ACMSD: variants seen among roughly 807,000 people sequenced by gnomAD.
ACMSD encodes the protein aminocarboxymuconate semialdehyde decarboxylase.
A neutral mutation model predicts 45.9 loss-of-function variants in ACMSD; 37 were observed. The observed-to-expected ratio is 0.81, with a 90% CI of 0.62 to 1.06. The LOEUF is 1.06. ACMSD is among the 50% of genes least tolerant of loss of function. The pLI is 0.00. For missense variants in ACMSD, 434 were observed against 420.9 expected (o/e 1.03, Z -0.27); for synonymous variants, 138 against 148.8 (o/e 0.93, Z 0.53).
chr2:134,873,868 A>G (rs1252103140), intron 8 of ACMSD, among the ~76,000 whole-genome samples: 1 of 152,128 alleles, frequency 6.6e-6, no homozygotes, highest in Non-Finnish European at 1.5e-5. Flanking sequence ...AAACTGAAAG[A>G]GACTTTGTGG....
At chr2:134,900,830 T>C (rs191482561) in intron 9 of ACMSD, among the ~76,000 whole-genome samples, 32 of 152,330 alleles carry the variant, frequency 2.1e-4, no homozygotes, top group African/African-American at 7.7e-4. Context: ...TGGTGGGTTA[T>C]AGTGTATGGA....
intron 8 of ACMSD, among the ~76,000 whole-genome samples, chr2:134,888,835 T>C (rs1689611346): frequency 6.6e-6 from 1 of 151,900 alleles, no homozygotes; most frequent in Non-Finnish European, 1.5e-5. Context: ...TTACCTTTAG[T>C]GGGAGAACTG....
chr2:134,888,391 A>G (rs1689579905), intron 8 of ACMSD, among the ~76,000 whole-genome samples: 1 of 152,212 alleles, frequency 6.6e-6, no homozygotes, highest in African/African-American at 2.4e-5. Flanking sequence ...CAAGGATGTA[A>G]AACAACCAGA....
intron 8 of ACMSD, among the ~76,000 whole-genome samples, chr2:134,896,068 A>G (rs1690130972): frequency 6.6e-6 from 1 of 152,260 alleles, no homozygotes; most frequent in Non-Finnish European, 1.5e-5. Context: ...TCTTTTCAAC[A>G]TATGATAGTG....
At chr2:134,878,611 G>A (rs1445146064) in intron 8 of ACMSD, among the ~76,000 whole-genome samples, 1 of 152,210 alleles carries the variant, frequency 6.6e-6, no homozygotes, top group Non-Finnish European at 1.5e-5. Flanking sequence ...ACAGGTGTGA[G>A]CCACTGTGCC....
In ACMSD at chr2:134,885,318, TA is replaced by T. The variant is rs1312818797; in HGVS notation, c.849+12680del. On this transcript the variant is annotated intron_variant, in intron 8 of 9. Transcript: ENST00000356140. ...ATATATATATTTAAATATATATATA[TA>T]AATATATATGTAAATATATATTTAT... 6.7e-3 allele frequency among the ~76,000 whole-genome samples: 659 copies of T among 98,968 alleles called. 9 individuals carry two copies. The highest frequency in any genetic ancestry group is 0.018 in the African/African-American group (411 of 22,288). 64.9% of individuals were successfully genotyped at this position (98,968 alleles called of 152,430 possible). A position where few individuals can be genotyped will look rare whatever the true frequency, so the allele number is the denominator to read the frequency against.
In ACMSD at chr2:134,871,073, C is replaced by T. The variant is rs561527847; in HGVS notation, c.676+13C>T. On this transcript the variant is annotated intron_variant, in intron 7 of 9. Transcript: ENST00000356140. ...TTCGCACATGGTGGTAAGACCCTAT[C>T]TTTATTAGTCAGCTCAGGCTGTCAC... The T allele has an allele frequency of 2.6e-5, 41 of 1,607,530 alleles. 1 individual carries two copies. The Admixed American group carries it at 2.8e-4, about 11-fold the overall frequency.
intron 8 of ACMSD, among the ~76,000 whole-genome samples, chr2:134,885,291 T>TTA (rs1187813174): frequency 2.6e-5 from 1 of 38,472 alleles, no homozygotes; most frequent in Non-Finnish European, 3.9e-5. Flanking sequence ...TATATTATAT[T>TTA]TATATATATA....
At chr2:134,893,802 G>C (rs1689931540) in intron 8 of ACMSD, among the ~76,000 whole-genome samples, 1 of 152,172 alleles carries the variant, frequency 6.6e-6, no homozygotes, top group South Asian at 2.1e-4. Flanking sequence ...AACAAACTGA[G>C]CTAATTCATC....
chr2:134,891,955 T>C (rs77990738), intron 8 of ACMSD, among the ~76,000 whole-genome samples: 2,889 of 152,282 alleles, frequency 0.019, 107 homozygotes, highest in East Asian at 0.14. Flanking sequence ...GAGGCTATTA[T>C]CTTAAGTGAA....
At chr2:134,840,167 C>A (rs1357408058) in intron 1 of ACMSD, among the ~76,000 whole-genome samples, 512 of 23,358 alleles carry the variant, frequency 0.022, 20 homozygotes, top group African/African-American at 0.053. Context: ...CTATACCTAG[C>A]AAAAAAAAAA....
intron 6 of ACMSD, among the ~76,000 whole-genome samples, chr2:134,868,451 C>CTTT (rs1170969126): frequency 5.1e-4 from 63 of 124,202 alleles, no homozygotes; most frequent in African/African-American, 3.7e-4. Context: ...ATATTTTTTT[C>CTTT]TTTTTTTTTT....
chr2:134,849,100 T>C (rs1343719595), intron 2 of ACMSD, among the ~76,000 whole-genome samples: 2 of 152,096 alleles, frequency 1.3e-5, no homozygotes, highest in Non-Finnish European at 2.9e-5. Flanking sequence ...CAGGCAGCTG[T>C]GATTTTTTTT....
Position 134,845,091 on chromosome 2 carries a change from T to G in ACMSD, c.58-142T>G, listed in dbSNP as rs778134202. 2.4e-5 allele frequency: 18 copies of G among 753,954 alleles called. 1 individual carries two copies. In the Admixed American group the frequency reaches 2.5e-4, roughly 10 times the overall value. The allele number at this position is 753,954 out of a possible 1,614,324, so 46.7% of individuals were successfully genotyped here. A position where few individuals can be genotyped will look rare whatever the true frequency, so the allele number is the denominator to read the frequency against. On this transcript the variant is annotated intron_variant, in intron 1 of 9. Coordinates refer to ENST00000356140, the MANE Select transcript of ACMSD (RefSeq NM_138326.3). ...TGTAAGTGAATTTAATTGTAAATAC[T>G]AAATAGGCGATACATGGGTATGGGG...
At chr2:134,845,530 TC>T (rs1687012997) in intron 2 of ACMSD, among the ~76,000 whole-genome samples, 1 of 150,954 alleles carries the variant, frequency 6.6e-6, no homozygotes, top group South Asian at 2.1e-4. Context: ...TCTCTCTCTC[TC>T]TCTCTCTCTC....
chr2:134,878,542 G>T (rs967898491), intron 8 of ACMSD, among the ~76,000 whole-genome samples: 23 of 152,210 alleles, frequency 1.5e-4, no homozygotes, highest in Non-Finnish European at 3.4e-4. Context: ...GCCCAGGCTG[G>T]TCTCGACCTC....
chr2:134,881,414 TACA>T (rs1028219843), intron 8 of ACMSD, among the ~76,000 whole-genome samples: 11 of 152,362 alleles, frequency 7.2e-5, no homozygotes, highest in African/African-American at 2.4e-4. Context: ...TGTCAGTTTT[TACA>T]ACAATAAGCA....
At chr2:134,898,734 A>C (rs529213422) in intron 9 of ACMSD, among the ~76,000 whole-genome samples, 1 of 152,120 alleles carries the variant, frequency 6.6e-6, no homozygotes, top group East Asian at 1.9e-4. Context: ...AAAATGTCTA[A>C]ATTTTTTCTA....
intron 2 of ACMSD, 35 bp from the exon 3 acceptor site, chr2:134,859,226 G>T: frequency 1.3e-6 from 2 of 1,572,202 alleles, no homozygotes; most frequent in Non-Finnish European, 1.8e-6. Context: ...AGTGGTCTTA[G>T]GTTGCATTTT....
Sources: allele counts gnomAD v4.1 joint callset (sites outside exome capture counted in the v4.1 genomes callset), GRCh38; gene constraint gnomAD v4.1.1; transcripts MANE v1.5; gene names NCBI Gene and HGNC (gene_info 2026-07-23, HGNC 2026-07-21).